Variants in PARD3B observed in about 807,000 individuals in gnomAD.
PARD3B encodes par-3 family cell polarity regulator beta.
A neutral mutation model predicts 130.2 loss-of-function variants in PARD3B; 103 were observed. The observed-to-expected ratio is 0.79, with a 90% confidence interval of 0.67 to 0.93. The LOEUF (loss-of-function observed/expected upper bound fraction) is 0.93, where lower values mean the gene tolerates loss of function less well. PARD3B is among the 40% of genes least tolerant of loss of function. The pLI, the probability that PARD3B is intolerant of heterozygous loss-of-function variation, is 0.00. For missense variants in PARD3B, 1,609 were observed against 1,499.2 expected (o/e 1.07, Z -1.21); for synonymous variants, 583 against 553.2 (o/e 1.05, Z -0.76).
chr2:204,567,918 C>G (rs2031770233), intron 1 of PARD3B, among the ~76,000 whole-genome samples: 1 of 152,110 alleles, frequency 6.6e-6, no homozygotes, highest in Non-Finnish European at 1.5e-5. Flanking sequence ...AGTGTCTAAT[C>G]TCTTTTAAGG....
intron 15 of PARD3B, among the ~76,000 whole-genome samples, chr2:205,234,370 A>T (rs2038971948): frequency 6.6e-6 from 1 of 152,186 alleles, no homozygotes; most frequent in Non-Finnish European, 1.5e-5. Context: ...ATACCCTGCT[A>T]ACATTAATGA....
At chr2:205,222,240 GTAGA>G (rs988765735) in intron 15 of PARD3B, among the ~76,000 whole-genome samples, 9 of 151,568 alleles carry the variant, frequency 5.9e-5, no homozygotes, top group African/African-American at 1.9e-4. Flanking sequence ...TTCTACTTTA[GTAGA>G]TAGTGTTAAG....
chr2:205,007,551 A>G (rs1695372627), intron 3 of PARD3B, among the ~76,000 whole-genome samples: 1 of 152,148 alleles, frequency 6.6e-6, no homozygotes, highest in South Asian at 2.1e-4. Context: ...CTGTTTTTAT[A>G]CCACTACCGT....
In PARD3B at chr2:205,568,282, A is replaced by G. The variant is rs78478886; in HGVS notation, c.3260+14879A>G. Reference sequence around the variant, plus strand: ...ACAATCCTGATGCCTTCACTTTATTATTGGAGTAGGTGCTCTGTGAATTGG... The same window carrying G: ...ACAATCCTGATGCCTTCACTTTATTGTTGGAGTAGGTGCTCTGTGAATTGG... On this transcript the variant is annotated intron_variant, in intron 22 of 22. Coordinates refer to ENST00000406610, the MANE Select transcript of PARD3B (RefSeq NM_001302769.2). The surrounding 1 kb of genome is among the most constrained non-coding windows in gnomAD (Gnocchi z 5.3). 9.2e-3 allele frequency among the ~76,000 whole-genome samples: 1,405 copies of G among 152,336 alleles called. 25 individuals are homozygous for G. The highest frequency in any genetic ancestry group is 0.031 in the African/African-American group (1,297 of 41,578).
chr2:204,818,381 G>A (rs975030697), intron 2 of PARD3B, among the ~76,000 whole-genome samples: 1 of 152,154 alleles, frequency 6.6e-6, no homozygotes, highest in Non-Finnish European at 1.5e-5. Context: ...GATATAAGGT[G>A]TTTATTAATG....
At chr2:204,713,137 G>T (rs1281833046) in intron 2 of PARD3B, among the ~76,000 whole-genome samples, 5 of 151,896 alleles carry the variant, frequency 3.3e-5, no homozygotes, top group Non-Finnish European at 4.4e-5. Context: ...TTTTTCTGTT[G>T]CTTTATTCTT....
chr2:205,134,611 C>G (rs2032313539), intron 10 of PARD3B, among the ~76,000 whole-genome samples: 1 of 152,174 alleles, frequency 6.6e-6, no homozygotes, highest in African/African-American at 2.4e-5. Context: ...GCAATGTGCT[C>G]AGAGACTGGG....
At chr2:205,035,083 G>A (rs1198138804) in intron 3 of PARD3B, among the ~76,000 whole-genome samples, 1 of 151,762 alleles carries the variant, frequency 6.6e-6, no homozygotes, top group Admixed American at 6.6e-5. Context: ...GGCTGGTCTC[G>A]AACTCCTAAC....
chr2:205,146,801 C>T lies in PARD3B; in HGVS notation c.1435-11921C>T, dbSNP rs1351197676. ...GGAATGCAGTGGAGCGATCTCAGCT[C>T]AGTGCATCCTTCGCCTCCCGGGTTG... On this transcript the variant is annotated intron_variant, in intron 10 of 22. Coordinates refer to ENST00000406610, the MANE Select transcript of PARD3B (RefSeq NM_001302769.2). This position sits in a 1 kb window ranked among gnomAD's most constrained non-coding sequence, Gnocchi z 4.3. 1.3e-5 allele frequency among the ~76,000 whole-genome samples: 2 copies of T among 151,924 alleles called. No individual in the cohort carries two copies. The highest frequency in any genetic ancestry group is 2.9e-5 in the Non-Finnish European group (2 of 67,990).
intron 5 of PARD3B, among the ~76,000 whole-genome samples, chr2:205,111,376 A>G (rs1703633794): frequency 6.6e-6 from 1 of 152,060 alleles, no homozygotes; most frequent in Admixed American, 6.6e-5. Context: ...CATAAAATAG[A>G]ACTCAACTTT....
chr2:205,181,742 T>A (rs779862558), intron 13 of PARD3B, among the ~76,000 whole-genome samples: 1 of 152,092 alleles, frequency 6.6e-6, no homozygotes. Flanking sequence ...CAACAAAAGA[T>A]GATAATTAAA....
intron 1 of PARD3B, among the ~76,000 whole-genome samples, chr2:204,672,070 A>G (rs1345696907): frequency 6.6e-6 from 1 of 152,154 alleles, no homozygotes; most frequent in Non-Finnish European, 1.5e-5. Flanking sequence ...CTCCCACTGT[A>G]TTTATAACTT....
intron 2 of PARD3B, among the ~76,000 whole-genome samples, chr2:204,825,144 T>C (rs1254854679): frequency 6.6e-6 from 1 of 152,272 alleles, no homozygotes; most frequent in Non-Finnish European, 1.5e-5. Context: ...GTCAGAGTTC[T>C]ACTGTCATAT....
chr2:205,161,729 A>G (rs1048471922), intron 11 of PARD3B, among the ~76,000 whole-genome samples: 9 of 152,162 alleles, frequency 5.9e-5, no homozygotes, highest in Non-Finnish European at 1.0e-4. Context: ...TCTTTGTCTC[A>G]GCATTTGGCC....
At chr2:205,180,295 A>G (rs772920354) in intron 13 of PARD3B, among the ~76,000 whole-genome samples, 4 of 151,844 alleles carry the variant, frequency 2.6e-5, no homozygotes, top group Non-Finnish European at 4.4e-5. Flanking sequence ...ATGTAAGTCT[A>G]TTGATTTAGA....
intron 2 of PARD3B, among the ~76,000 whole-genome samples, chr2:204,866,124 T>G (rs549478110): frequency 6.6e-6 from 1 of 152,298 alleles, no homozygotes; most frequent in South Asian, 2.1e-4. Context: ...TTCTAGAATT[T>G]TGCTATATTG....
chr2:205,059,922 G>A (rs1004413631), intron 4 of PARD3B, among the ~76,000 whole-genome samples: 1 of 151,978 alleles, frequency 6.6e-6, no homozygotes, highest in African/African-American at 2.4e-5. Context: ...ATTAATATAT[G>A]TGTTCAAATA....
intron 2 of PARD3B, among the ~76,000 whole-genome samples, chr2:204,856,776 A>G (rs2044960347): frequency 6.6e-6 from 1 of 151,964 alleles, no homozygotes; most frequent in Non-Finnish European, 1.5e-5. Context: ...TCCCACCACC[A>G]TTTATTAAAG....
intron 2 of PARD3B, among the ~76,000 whole-genome samples, chr2:204,925,585 G>A (rs897608504): frequency 1.6e-4 from 24 of 151,974 alleles, no homozygotes; most frequent in African/African-American, 4.3e-4. Flanking sequence ...ATGAGGAAAC[G>A]AGTCAAAACT....
Sources: allele counts gnomAD v4.1 joint callset (sites outside exome capture counted in the v4.1 genomes callset), GRCh38; gene constraint gnomAD v4.1.1; non-coding constraint Gnocchi (gnomAD v3.1); transcripts MANE v1.5; gene names NCBI Gene and HGNC (gene_info 2026-07-23, HGNC 2026-07-21).